Variants in MAN1A2 observed in about 807,000 individuals in gnomAD.
The protein encoded by MAN1A2 is mannosidase alpha class 1A member 2.
MAN1A2 carries 26 observed loss-of-function variants against 75.7 expected under a neutral mutation model. That is an observed-to-expected ratio of 0.34 (90% CI 0.25 to 0.48). The LOEUF (loss-of-function observed/expected upper bound fraction) is 0.48. Among genes scored for constraint, MAN1A2 ranks in the 20% least tolerant of loss-of-function variants. The probability of loss-of-function intolerance (pLI) is 0.99; values close to 1 mark genes in which losing one functional copy is unlikely to be tolerated. For synonymous variants in MAN1A2, 247 were observed against 264.6 expected (o/e 0.93, Z 0.65); for missense variants, 562 against 775.5 (o/e 0.72, Z 3.27).
Position 117,525,103 on chromosome 1 carries a change from A to T in MAN1A2, c.*2146A>T. ...TGGTTCTGCAGGAACTTCTCAAGGG[A>T]TGAGGAGACAGAACCCCTACTTCCA... is the stretch of plus-strand genomic sequence containing the variant. On this transcript the variant is annotated 3_prime_UTR_variant, in exon 13 of 13. Transcript: ENST00000356554. 1 of 528,882 alleles carries T rather than the reference A, an allele frequency of 1.9e-6. No individual in the cohort carries two copies. 32.8% of individuals were successfully genotyped at this position (528,882 alleles called of 1,614,324 possible). A position where few individuals can be genotyped will look rare whatever the true frequency, so the allele number is the denominator to read the frequency against.
intron 8 of MAN1A2, among the ~76,000 whole-genome samples, chr1:117,491,627 T>C (rs1650885542): frequency 6.6e-6 from 1 of 152,114 alleles, no homozygotes; most frequent in African/African-American, 2.4e-5. Flanking sequence ...TCAAGTCTTA[T>C]TTAAGGATTG....
At chr1:117,485,133 GC>G (rs1650631074) in intron 8 of MAN1A2, among the ~76,000 whole-genome samples, 1 of 151,888 alleles carries the variant, frequency 6.6e-6, no homozygotes, top group Admixed American at 6.6e-5. Context: ...CAAGTTCCAT[GC>G]CATAAATAAA....
At chr1:117,391,908 C>G (rs1222253448) in intron 1 of MAN1A2, among the ~76,000 whole-genome samples, 1 of 152,140 alleles carries the variant, frequency 6.6e-6, no homozygotes, top group Admixed American at 6.6e-5. Context: ...TTTTCCTTCT[C>G]ATGTTTAATC....
intron 1 of MAN1A2, among the ~76,000 whole-genome samples, chr1:117,373,350 A>T (rs1220913889): frequency 2.0e-5 from 3 of 151,828 alleles, no homozygotes; most frequent in Non-Finnish European, 4.4e-5. Context: ...AGTCTGCTGG[A>T]TGTTCCATTT....
chr1:117,460,564 G>T lies in MAN1A2; in HGVS notation c.1026G>T (p.Glu342Asp), dbSNP rs770939279. The T allele has an allele frequency of 1.2e-6, 2 of 1,610,256 alleles. No individual in the cohort carries two copies. The change falls in exon 7 of 13, where the codon GAG (glutamate) becomes GAT (aspartate). Residue 342 changes from glutamate to aspartate, a missense_variant. Physicochemically the swap from Glu to Asp is conservative, Grantham distance 45 (BLOSUM62 2). Transcript: ENST00000356554. Reference protein sequence around the residue: ...ILAEFGTLHMEFIHLSYLTGD... With the variant: ...ILAEFGTLHMDFIHLSYLTGD... ...CTGAATTTGGTACACTACATATGGA[G>T]TTCATCCACCTCAGCTACTTGACAG...
rs554724860 is a variant in MAN1A2, at chr1:117,367,468, AGCGGCGGCGGCC to A, written c.-707_-696del. The A allele has an allele frequency of 2.2e-3, 346 of 154,240 alleles. 1 individual carries two copies. Among genetic ancestry groups the A allele is most frequent in the Non-Finnish European group, 3.7e-3 (257 of 69,236 alleles). 9.6% of individuals were successfully genotyped at this position (154,240 alleles called of 1,614,324 possible). On this transcript the variant is annotated 5_prime_UTR_variant, in exon 1 of 13. Transcript: ENST00000356554. ...CCTGACAGACCCGTGCGGTAGCAAC[AGCGGCGGCGGCC>A]GCGGCGGCTGGCCGGACTCAGGTGT...
chr1:117,414,023 C>G (rs986243708), intron 3 of MAN1A2, among the ~76,000 whole-genome samples: 2 of 151,540 alleles, frequency 1.3e-5, no homozygotes, highest in African/African-American at 4.8e-5. Context: ...TCCCTCTCTT[C>G]CTCCCTTTCT....
In MAN1A2 at chr1:117,368,162, A is replaced by G. The variant is rs757946811; in HGVS notation, c.-22A>G. On this transcript the variant is annotated 5_prime_UTR_variant, in exon 1 of 13. Transcript: ENST00000356554. The stretch of plus-strand genomic sequence containing the variant: ...ACATAAGATGAGAACTTTCTAAAGT[A>G]TTCTCTCCAAGAGCGTAAACGATGA... 3.8e-6 allele frequency: 6 copies of G among 1,575,368 alleles called. No homozygotes were observed. Among genetic ancestry groups the G allele is most frequent in the Middle Eastern group, 1.9e-4 (1 of 5,174 alleles).
At chr1:117,406,286 C>T (rs909100415) in intron 3 of MAN1A2, among the ~76,000 whole-genome samples, 31 of 152,134 alleles carry the variant, frequency 2.0e-4, no homozygotes, top group African/African-American at 6.5e-4. Context: ...TGTTAAGCTA[C>T]TCTTTGTAGT....
chr1:117,432,838 C>T lies in MAN1A2; in HGVS notation c.856-9393C>T, dbSNP rs144508665. ...TAAATACATTAGCAAGAATCCTGAA[C>T]AAACTATTAATACTTGTAAAGCATA... On this transcript the variant is annotated intron_variant, in intron 5 of 12. Transcript: ENST00000356554. Among the ~76,000 whole-genome samples the T allele has an allele frequency of 4.1e-3, 614 of 150,116 alleles. 4 individuals are homozygous for T. The highest frequency in any genetic ancestry group is 0.014 in the African/African-American group (588 of 41,126).
rs556304259 is a variant in MAN1A2 at position 117,493,011 on chromosome 1, T to G, written c.1169-136T>G. The G allele has an allele frequency of 1.4e-5, 8 of 587,722 alleles. No homozygotes were observed. The Admixed American group carries it at 2.1e-4, about 15-fold the overall frequency. The allele number at this position is 587,722 out of a possible 1,614,324, so 36.4% of individuals were successfully genotyped here. A position where few individuals can be genotyped will look rare whatever the true frequency, so the allele number is the denominator to read the frequency against. ...TACTTCTGGGACTAAATTTGAAGTA[T>G]GTTGGAAATAGGGTTGTCAATGTAA... is the stretch of plus-strand genomic sequence containing the variant. On this transcript the variant is annotated intron_variant, in intron 8 of 12. Coordinates refer to ENST00000356554, the MANE Select transcript of MAN1A2 (RefSeq NM_006699.5).
intron 12 of MAN1A2, among the ~76,000 whole-genome samples, chr1:117,513,123 C>G (rs1425729450): frequency 6.6e-6 from 1 of 152,122 alleles, no homozygotes; most frequent in Non-Finnish European, 1.5e-5. Flanking sequence ...TACCCACCCC[C>G]AAACTCTAAT....
At chr1:117,513,162 T>A (rs1008079580) in intron 12 of MAN1A2, among the ~76,000 whole-genome samples, 1 of 152,100 alleles carries the variant, frequency 6.6e-6, no homozygotes, top group African/African-American at 2.4e-5. Context: ...GGTTGCTGCT[T>A]GTGAAATTTC....
chr1:117,415,449 C>G (rs1647961343), intron 4 of MAN1A2, among the ~76,000 whole-genome samples: 1 of 152,118 alleles, frequency 6.6e-6, no homozygotes, highest in Non-Finnish European at 1.5e-5. Flanking sequence ...CTCTGGCAGA[C>G]TCTTCGTTAT....
chr1:117,506,808 C>T (rs1326041850), intron 12 of MAN1A2, among the ~76,000 whole-genome samples: 2 of 151,158 alleles, frequency 1.3e-5, no homozygotes, highest in Admixed American at 1.3e-4. Flanking sequence ...ATAAAGTAGA[C>T]CATGGGATAT....
chr1:117,373,488 T>G (rs1414335385), intron 1 of MAN1A2, among the ~76,000 whole-genome samples: 1 of 150,840 alleles, frequency 6.6e-6, no homozygotes, highest in Admixed American at 6.6e-5. Context: ...GCATTTGTTT[T>G]TTTTTTTTTT....
At position 117,466,377 on chromosome 1, in the gene MAN1A2, A is replaced by G; in HGVS notation, c.1118A>G (p.Asn373Ser). The part of the protein sequence containing the change: ...RKLLQKMDRP[N>S]GLYPNYLNPR... Reference sequence around the variant, plus strand: ...CTACTTCAGAAAATGGATCGTCCAAATGGTCTTTATCCAAATTATTTGAAC... The same window carrying G: ...CTACTTCAGAAAATGGATCGTCCAAGTGGTCTTTATCCAAATTATTTGAAC... Residue 373 changes from asparagine to serine, a missense_variant, in exon 8 of 13, where the codon AAT becomes AGT. Transcript: ENST00000356554. 2 of 1,612,310 alleles carry G rather than the reference A, an allele frequency of 1.2e-6. No homozygotes were observed.
chr1:117,514,430 T>C lies in MAN1A2; in HGVS notation c.1794-8395T>C, dbSNP rs139049964. Among the ~76,000 whole-genome samples, 4 of 152,044 alleles carry C rather than the reference T, an allele frequency of 2.6e-5. No individual in the cohort carries two copies. In the East Asian group the frequency reaches 7.8e-4, roughly 29 times the overall value. On this transcript the variant is annotated intron_variant, in intron 12 of 12. Coordinates refer to ENST00000356554, the MANE Select transcript of MAN1A2 (RefSeq NM_006699.5). ...GGGGCCAAAGGGAGGGGAAAACTAG[T>C]AAATTATCCAGAATAGGTATTGGTA...
chr1:117,492,518 C>T lies in MAN1A2; in HGVS notation c.1169-629C>T, dbSNP rs144873876. Among the ~76,000 whole-genome samples the T allele has an allele frequency of 7.0e-3, 1,058 of 152,180 alleles. 6 individuals carry two copies. Among genetic ancestry groups the T allele is most frequent in the African/African-American group, 0.024 (1,000 of 41,544 alleles). ...ACTCACTTTGTTGCAATATTTGCTACATTGCAGTAGTCTGGAAACAAACTT... is the reference window on the plus strand; with the variant it reads ...ACTCACTTTGTTGCAATATTTGCTATATTGCAGTAGTCTGGAAACAAACTT... On this transcript the variant is annotated intron_variant, in intron 8 of 12. Transcript: ENST00000356554.
Sources: gnomAD v4.1 joint callset for allele counts (sites outside exome capture counted in the v4.1 genomes callset) on GRCh38, gnomAD v4.1.1 for gene constraint, MANE v1.5 for transcripts, NCBI Gene and HGNC (gene_info 2026-07-23, HGNC 2026-07-21) for gene names.